STAB2: variants seen among roughly 807,000 people sequenced by gnomAD.
STAB2 encodes the protein stabilin 2.
A neutral mutation model predicts 338.1 loss-of-function variants in STAB2; 288 were observed. The observed-to-expected ratio is 0.85, with a 90% confidence interval of 0.77 to 0.94. The LOEUF (loss-of-function observed/expected upper bound fraction) is 0.94. Among genes scored for constraint, STAB2 ranks in the 40% least tolerant of loss-of-function variants. The pLI, the probability that STAB2 is intolerant of heterozygous loss-of-function variation, is 0.00. For missense variants in STAB2, 3,141 were observed against 3,210.1 expected, an observed-to-expected ratio of 0.98 and a Z score of 0.52; for synonymous variants, 1,202 against 1,193.3, an observed-to-expected ratio of 1.01 and a Z score of -0.15.
chr12:103,700,117 ATAT>A (rs1445342371), intron 34 of STAB2, among the ~76,000 whole-genome samples: 1 of 152,248 alleles, frequency 6.6e-6, no homozygotes, highest in African/African-American at 2.4e-5. Context: ...TGATACCTAA[ATAT>A]TTAAACGTGT....
intron 52 of STAB2, 130 bp downstream of exon 52, chr12:103,735,710 C>A: frequency 1.4e-6 from 1 of 729,040 alleles, no homozygotes; most frequent in South Asian, 2.2e-5. Context: ...TTTTTTTTCT[C>A]ACTACCTTCA....
chr12:103,677,749 T>G, intron 25 of STAB2, 138 bp downstream of exon 25: 1 of 1,010,858 alleles, frequency 9.9e-7, no homozygotes, highest in Non-Finnish European at 1.4e-6. Flanking sequence ...CATGGGTTCA[T>G]TGCCACAACA....
At chr12:103,613,212 G>A (rs1957154462) in intron 3 of STAB2, among the ~76,000 whole-genome samples, 1 of 152,212 alleles carries the variant, frequency 6.6e-6, no homozygotes, top group Non-Finnish European at 1.5e-5. Context: ...TGTCTTCCAA[G>A]CTGTCAGACA....
intron 8 of STAB2, among the ~76,000 whole-genome samples, chr12:103,638,910 C>A (rs1013542768): frequency 2.0e-5 from 3 of 152,206 alleles, no homozygotes; most frequent in African/African-American, 7.2e-5. Context: ...GGAGGAAGGG[C>A]TCAGTGCCTG....
chr12:103,744,137 T>C (rs1399815924), intron 56 of STAB2, among the ~76,000 whole-genome samples: 1 of 117,086 alleles, frequency 8.5e-6, no homozygotes, highest in East Asian at 2.6e-4. Context: ...TTGGTACATA[T>C]TTTTTAATGT....
chr12:103,636,061 T>C (rs1957540121), intron 6 of STAB2, among the ~76,000 whole-genome samples: 1 of 152,158 alleles, frequency 6.6e-6, no homozygotes, highest in Non-Finnish European at 1.5e-5. Context: ...TTTATTATTA[T>C]TATACTTTAA....
chr12:103,615,720 C>T (rs746725109), intron 3 of STAB2, among the ~76,000 whole-genome samples: 3 of 152,190 alleles, frequency 2.0e-5, no homozygotes, highest in Non-Finnish European at 2.9e-5. Flanking sequence ...CTGGGGAGGC[C>T]ACAGAAACTT....
intron 3 of STAB2, among the ~76,000 whole-genome samples, chr12:103,606,730 A>G (rs1402770792): frequency 6.6e-6 from 1 of 152,184 alleles, no homozygotes; most frequent in Non-Finnish European, 1.5e-5. Context: ...CATACCTGTA[A>G]TCCCAGCACT....
chr12:103,662,843 C>T lies in STAB2; in HGVS notation c.1870-3C>T. ...AATTAGAGATGTCATTTTTTCTTTCCAGGGACAGATTCTGGCAAATGATGT... is the reference window on the plus strand; with the variant it reads ...AATTAGAGATGTCATTTTTTCTTTCTAGGGACAGATTCTGGCAAATGATGT... On this transcript the variant is annotated splice_region_variant and splice_polypyrimidine_tract_variant and intron_variant, in intron 17 of 68. Transcript: ENST00000388887. 1.9e-6 allele frequency: 3 copies of T among 1,612,030 alleles called. No individual in the cohort carries two copies. Among genetic ancestry groups the T allele is most frequent in the Non-Finnish European group, 2.5e-6 (3 of 1,179,358 alleles).
At chr12:103,764,277 C>G (rs1471558359) in intron 68 of STAB2, among the ~76,000 whole-genome samples, 1 of 152,228 alleles carries the variant, frequency 6.6e-6, no homozygotes, top group Non-Finnish European at 1.5e-5. Context: ...AACTTACTTA[C>G]ACTGACATTG....
chr12:103,591,275 A>C (rs1184846330), intron 2 of STAB2, among the ~76,000 whole-genome samples: 1 of 152,128 alleles, frequency 6.6e-6, no homozygotes, highest in Non-Finnish European at 1.5e-5. Flanking sequence ...ACTTGAGATC[A>C]GGAGTTCGAG....
At chr12:103,685,143 T>C in intron 27 of STAB2, 59 bp downstream of exon 27, 1 of 1,491,320 alleles carries the variant, frequency 6.7e-7, no homozygotes, top group East Asian at 2.3e-5. Flanking sequence ...ACCTCTTAGC[T>C]AAGATGCCTT....
Position 103,690,002 on chromosome 12 carries a change from T to C in STAB2, c.3182+20T>C. ...AATAAAGTAGGTGTTACTTATTTTA[T>C]TTTACATCGTATCTGAATGGCATCT... On this transcript the variant is annotated intron_variant, in intron 29 of 68. Transcript: ENST00000388887. The C allele has an allele frequency of 1.9e-6, 3 of 1,608,526 alleles. No homozygotes were observed. Among genetic ancestry groups the C allele is most frequent in the Non-Finnish European group, 1.7e-6 (2 of 1,177,794 alleles).
intron 24 of STAB2, among the ~76,000 whole-genome samples, chr12:103,676,450 C>G (rs1876383124): frequency 6.6e-6 from 1 of 152,150 alleles, no homozygotes. Flanking sequence ...TGTCTGATCA[C>G]TTTTCATATG....
At position 103,731,623 on chromosome 12, in the gene STAB2, C is replaced by T. The variant is rs1881644505; in HGVS notation, c.5271C>T (p.Ser1757=). The T allele has an allele frequency of 1.2e-6, 2 of 1,613,166 alleles. No individual in the cohort carries two copies. The highest frequency in any genetic ancestry group is 1.7e-6 in the Non-Finnish European group (2 of 1,179,818). ...CAAACAATGGCTACATCAAATTTAG[C>T]AACTTAATACAGGTAAAAATTTAGG... ...LATNNGYIKF[S]NLIQDSGLLS... Residue 1757 remains serine, a synonymous_variant, in exon 50 of 69, where the codon AGC becomes AGT. Transcript: ENST00000388887.
Position 103,660,828 on chromosome 12 carries a change from A to G in STAB2, c.1869+65A>G, listed in dbSNP as rs182790175. On this transcript the variant is annotated intron_variant, in intron 17 of 68. Transcript: ENST00000388887. ...CATCTTTGCTCGATAATGATTATTCATCAGGTTATCCTGCCTCTATGCTAA... is the reference window on the plus strand; with the variant it reads ...CATCTTTGCTCGATAATGATTATTCGTCAGGTTATCCTGCCTCTATGCTAA... 243 of 1,527,518 alleles carry G rather than the reference A, an allele frequency of 1.6e-4. No individual in the cohort carries two copies. In the African/African-American group the frequency reaches 2.9e-3, roughly 18 times the overall value. The allele number at this position is 1,527,518 out of a possible 1,614,324, so 94.6% of individuals were successfully genotyped here.
intron 3 of STAB2, among the ~76,000 whole-genome samples, chr12:103,609,162 C>A (rs1179215474): frequency 6.6e-6 from 1 of 152,102 alleles, no homozygotes; most frequent in Non-Finnish European, 1.5e-5. Flanking sequence ...ATTGTCTTGG[C>A]AATGCGGGCT....
intron 61 of STAB2, among the ~76,000 whole-genome samples, chr12:103,753,981 C>A (rs1883898092): frequency 6.6e-6 from 1 of 152,314 alleles, no homozygotes; most frequent in South Asian, 2.1e-4. Flanking sequence ...GCTCTCTTAA[C>A]CTCTAAAACT....
In STAB2 at chr12:103,742,473, G is replaced by A. The variant is rs199578907; in HGVS notation, c.5950G>A (p.Gly1984Arg). 79 of 1,614,118 alleles carry A rather than the reference G, an allele frequency of 4.9e-5. 1 individual carries two copies. The highest frequency in any genetic ancestry group is 3.3e-4 in the Middle Eastern group (2 of 6,062). Residue 1984 changes from glycine to arginine, a missense_variant, in exon 56 of 69, where the codon GGA (glycine) becomes AGA (arginine). Coordinates refer to ENST00000388887, the MANE Select transcript of STAB2 (RefSeq NM_017564.10). ...GVCLDQYSAT[G>R]ECKCNTGFNG... ...CTGCCTTGATCAGTACTCGGCCACC[G>A]GAGAGTGTAAATGCAACACCGGCTT...
Sources: gnomAD v4.1 joint callset for allele counts (sites outside exome capture counted in the v4.1 genomes callset) on GRCh38, gnomAD v4.1.1 for gene constraint, MANE v1.5 for transcripts, NCBI Gene and HGNC (gene_info 2026-07-23, HGNC 2026-07-21) for gene names.